The following SH3BGRL2 variants were observed in gnomAD, a reference collection of about 807,000 sequenced individuals.
SH3BGRL2 encodes the protein SH3 domain binding glutamate rich protein like 2, also known as SH3 domain-binding glutamic acid-rich-like protein 2.
SH3BGRL2 carries 21 observed loss-of-function variants against 14.8 expected under a neutral mutation model. The ratio of observed to expected loss-of-function variants is 1.42; its 90% confidence interval spans 1.01 to 2.05. The LOEUF (loss-of-function observed/expected upper bound fraction) is 2.05, where lower values mean the gene tolerates loss of function less well. SH3BGRL2 is among the 30% of genes most tolerant of loss of function. SH3BGRL2 has a pLI of 0.00. For synonymous variants in SH3BGRL2, 50 were observed against 47.8 expected (o/e 1.05, Z -0.19); for missense variants, 147 against 130.8 (o/e 1.12, Z -0.61).
At chr6:79,578,022 C>T in the SH3BGRL2 span, among the ~76,000 whole-genome samples, 4 of 152,220 alleles carry the variant, frequency 2.6e-5, no homozygotes, top group South Asian at 2.1e-4. Flanking sequence ...ACACTGCTAG[C>T]GCAGCAGTCT....
At chr6:79,684,448 T>G (rs1379392219) in intron 2 of SH3BGRL2, among the ~76,000 whole-genome samples, 1 of 152,148 alleles carries the variant, frequency 6.6e-6, no homozygotes, top group Admixed American at 6.5e-5. Flanking sequence ...TTTACCCTAT[T>G]TATCTTAGTA....
chr6:79,546,703 T>C, the SH3BGRL2 span, among the ~76,000 whole-genome samples: 1 of 152,028 alleles, frequency 6.6e-6, no homozygotes, highest in African/African-American at 2.4e-5. Context: ...GCAACTCTTT[T>C]TTTTTTTTTT....
At chr6:79,687,933 C>T (rs1770133986) in intron 2 of SH3BGRL2, among the ~76,000 whole-genome samples, 1 of 152,166 alleles carries the variant, frequency 6.6e-6, no homozygotes, top group Admixed American at 6.5e-5. Context: ...AGCAATACAG[C>T]TTATCAGAGT....
chr6:79,558,810 G>C, the SH3BGRL2 span, among the ~76,000 whole-genome samples: 1 of 152,180 alleles, frequency 6.6e-6, no homozygotes, highest in Non-Finnish European at 1.5e-5. Flanking sequence ...AGGAATCAGG[G>C]CTTCTAGGAA....
At chr6:79,542,254 C>T in the SH3BGRL2 span, among the ~76,000 whole-genome samples, 1 of 149,528 alleles carries the variant, frequency 6.7e-6, no homozygotes, top group African/African-American at 2.5e-5. Flanking sequence ...CCTAGCCTGC[C>T]TTTTCTATAT....
the SH3BGRL2 span, among the ~76,000 whole-genome samples, chr6:79,617,209 AG>A: frequency 6.8e-6 from 1 of 147,654 alleles, no homozygotes; most frequent in African/African-American, 2.5e-5. Flanking sequence ...GAAAAAAAAA[AG>A]AAAAGAAAAA....
chr6:79,597,878 G>A, the SH3BGRL2 span, among the ~76,000 whole-genome samples: 1 of 152,200 alleles, frequency 6.6e-6, no homozygotes, highest in Non-Finnish European at 1.5e-5. Context: ...AGACGTGTAT[G>A]TAAGACATAT....
intron 2 of SH3BGRL2, among the ~76,000 whole-genome samples, chr6:79,676,779 T>C (rs2127734288): frequency 6.6e-6 from 1 of 152,282 alleles, no homozygotes; most frequent in Non-Finnish European, 1.5e-5. Flanking sequence ...ATTGAATGAA[T>C]AGAAGAATAT....
At chr6:79,632,256 GAGAAAAAAAATTTTTTTAA>G (rs1768839964) in intron 1 of SH3BGRL2, among the ~76,000 whole-genome samples, 1 of 151,870 alleles carries the variant, frequency 6.6e-6, no homozygotes, top group African/African-American at 2.4e-5. Context: ...AATTTTTTTA[GAGAAAAAAAATTTTTTTAA>G]AGAAAGGAAA....
chr6:79,608,118 C>G, the SH3BGRL2 span, among the ~76,000 whole-genome samples: 26 of 152,106 alleles, frequency 1.7e-4, no homozygotes, highest in African/African-American at 5.8e-4. Context: ...AAGTGCTACA[C>G]TTTTAAACAG....
chr6:79,641,415 G>T (rs1212825814), intron 1 of SH3BGRL2, among the ~76,000 whole-genome samples: 2 of 152,036 alleles, frequency 1.3e-5, no homozygotes, highest in African/African-American at 2.4e-5. Flanking sequence ...TTTAATTCTG[G>T]AGTCAGTTTA....
chr6:79,593,272 T>A, the SH3BGRL2 span, among the ~76,000 whole-genome samples: 1 of 152,174 alleles, frequency 6.6e-6, no homozygotes, highest in South Asian at 2.1e-4. Flanking sequence ...ATAAGAACTA[T>A]CTTTTATGGT....
At chr6:79,653,690 G>A (rs920436585) in intron 1 of SH3BGRL2, among the ~76,000 whole-genome samples, 2 of 152,248 alleles carry the variant, frequency 1.3e-5, no homozygotes, top group South Asian at 2.1e-4. Flanking sequence ...TGAGGAAAGA[G>A]ATGGGGTATG....
the SH3BGRL2 span, among the ~76,000 whole-genome samples, chr6:79,553,783 C>G: frequency 6.6e-6 from 1 of 152,018 alleles, no homozygotes; most frequent in African/African-American, 2.4e-5. Flanking sequence ...ACCAGCCTGG[C>G]CAACATGGTG....
chr6:79,638,366 G>A (rs1357082400), intron 1 of SH3BGRL2, among the ~76,000 whole-genome samples: 1 of 152,130 alleles, frequency 6.6e-6, no homozygotes, highest in African/African-American at 2.4e-5. Flanking sequence ...AGACTTAGAT[G>A]GATTCCATGT....
chr6:79,634,299 G>C (rs1328480250), intron 1 of SH3BGRL2, among the ~76,000 whole-genome samples: 1 of 152,100 alleles, frequency 6.6e-6, no homozygotes, highest in Non-Finnish European at 1.5e-5. Flanking sequence ...TTTTTACTAG[G>C]AAACAAAAGC....
chr6:79,681,824 T>C (rs1009512398), intron 2 of SH3BGRL2, among the ~76,000 whole-genome samples: 1 of 152,016 alleles, frequency 6.6e-6, no homozygotes, highest in Non-Finnish European at 1.5e-5. Context: ...AAGATTTCAC[T>C]TTATGTAGTC....
rs1582744384 is a variant in SH3BGRL2, at chr6:79,700,099, C to T, written c.*590C>T. 1 of 152,272 alleles carries T rather than the reference C, an allele frequency of 6.6e-6. No individual in the cohort carries two copies. Among genetic ancestry groups the T allele is most frequent in the Non-Finnish European group, 1.5e-5 (1 of 68,084 alleles). The allele number at this position is 152,272 out of a possible 1,614,324, so 9.4% of individuals were successfully genotyped here. A position where few individuals can be genotyped will look rare whatever the true frequency, so the allele number is the denominator to read the frequency against. On this transcript the variant is annotated 3_prime_UTR_variant, in exon 4 of 4. Transcript: ENST00000369838. ...TTAGTAATGGAAACTCTTACCTCCA[C>T]ATATTATCCTACAGATGTTTCCAGA... is the stretch of plus-strand genomic sequence containing the variant.
At chr6:79,620,377 C>T in the SH3BGRL2 span, among the ~76,000 whole-genome samples, 2 of 151,658 alleles carry the variant, frequency 1.3e-5, no homozygotes, top group Non-Finnish European at 2.9e-5. Flanking sequence ...GAAAATAGTG[C>T]AATGAGGTGC....
Sources: allele counts gnomAD v4.1 joint callset (sites outside exome capture counted in the v4.1 genomes callset), GRCh38; gene constraint gnomAD v4.1.1; transcripts MANE v1.5; gene names NCBI Gene and HGNC (gene_info 2026-07-23, HGNC 2026-07-21).